DMD: variants seen among roughly 807,000 people sequenced by gnomAD.
DMD encodes the protein mutant dystrophin.
DMD carries 63 observed loss-of-function variants against 330.1 expected under a neutral mutation model. The observed-to-expected ratio is 0.19, with a 90% CI of 0.16 to 0.24. The LOEUF is 0.24. Among genes scored for constraint, DMD ranks in the 10% least tolerant of loss-of-function variants. DMD has a pLI of 1.00. For missense variants in DMD, 3,344 were observed against 2,684.1 expected (o/e 1.25, Z -5.43); for synonymous variants, 1,223 against 959.8 (o/e 1.27, Z -5.07).
At chrX:33,115,597 C>T (rs1336764860) in intron 1 of DMD, among the ~76,000 whole-genome samples, 1 of 108,128 alleles carries the variant, frequency 9.2e-6, no homozygotes, top group Non-Finnish European at 1.9e-5. Flanking sequence ...CTGCAAGCTC[C>T]GCCTCCTGGG....
At position 31,868,635 on chromosome X, in the gene DMD, G is replaced by A. The variant is rs751439869; in HGVS notation, c.7098+6553C>T. On this transcript the variant is annotated intron_variant, in intron 48 of 78. Coordinates refer to ENST00000357033, the MANE Select transcript of DMD (RefSeq NM_004006.3). ...AAGCCCCTTTTGGGAAAACTGTCCC[G>A]GTACCTGGCTTACAGAATTCCCAAT... Among the ~76,000 whole-genome samples the A allele has an allele frequency of 9.9e-5, 11 of 111,513 alleles. No homozygotes were observed. In the Middle Eastern group the frequency reaches 0.014, roughly 141 times the overall value.
chrX:32,712,875 T>C (rs2065321404), intron 7 of DMD, among the ~76,000 whole-genome samples: 1 of 111,630 alleles, frequency 9.0e-6, no homozygotes, highest in Non-Finnish European at 1.9e-5. Flanking sequence ...TTCTTCTACA[T>C]TGTAATAAAG....
At chrX:32,091,836 A>G (rs1357778583) in intron 44 of DMD, among the ~76,000 whole-genome samples, 1 of 111,665 alleles carries the variant, frequency 9.0e-6, no homozygotes, top group Non-Finnish European at 1.9e-5. Context: ...GCTAGTAGTG[A>G]ACATACTGAT....
intron 44 of DMD, among the ~76,000 whole-genome samples, chrX:32,044,528 T>G (rs1481445406): frequency 9.0e-6 from 1 of 110,631 alleles, no homozygotes; most frequent in Non-Finnish European, 1.9e-5. Context: ...TTCACGCCAT[T>G]CTCCTGCCTC....
intron 2 of DMD, among the ~76,000 whole-genome samples, chrX:32,880,525 G>A (rs1569538457): frequency 9.0e-6 from 1 of 111,722 alleles, no homozygotes; most frequent in Non-Finnish European, 1.9e-5. Flanking sequence ...CCCCGTGGTA[G>A]GACATACTAT....
intron 2 of DMD, among the ~76,000 whole-genome samples, chrX:32,906,793 G>C (rs1014938885): frequency 2.7e-5 from 3 of 111,511 alleles, no homozygotes. Flanking sequence ...CAGTACTCCA[G>C]GAAGGAGCTG....
intron 2 of DMD, among the ~76,000 whole-genome samples, chrX:32,995,776 G>T (rs2093102725): frequency 9.0e-6 from 1 of 111,614 alleles, no homozygotes; most frequent in African/African-American, 3.3e-5. Flanking sequence ...TCTTGAAAGA[G>T]CATTTTAGTA....
At chrX:32,617,406 T>A (rs1269838344) in intron 11 of DMD, among the ~76,000 whole-genome samples, 2 of 111,228 alleles carry the variant, frequency 1.8e-5, no homozygotes, top group East Asian at 5.7e-4. Flanking sequence ...AGGAATAAAT[T>A]AATGCATTTG....
At chrX:32,242,625 C>T (rs1409685001) in intron 43 of DMD, among the ~76,000 whole-genome samples, 1 of 111,104 alleles carries the variant, frequency 9.0e-6, no homozygotes. Flanking sequence ...ACTTTTGCTA[C>T]TTTTCCAAAT....
In DMD at chrX:31,690,260, A is replaced by T. The variant is rs181932401; in HGVS notation, c.7661-10674T>A. Among the ~76,000 whole-genome samples, 330 of 112,382 alleles carry T rather than the reference A, an allele frequency of 2.9e-3. 2 individuals carry two copies. The highest frequency in any genetic ancestry group is 3.7e-3 in the Non-Finnish European group (197 of 53,289). On this transcript the variant is annotated intron_variant, in intron 52 of 78. Coordinates refer to ENST00000357033, the MANE Select transcript of DMD (RefSeq NM_004006.3). ...ATATCCAGAATCTACAAAGAACTCA[A>T]ACAAACTTACAAGAAAAAACAAACA...
chrX:31,963,591 A>G (rs1377718001), intron 45 of DMD, among the ~76,000 whole-genome samples: 1 of 111,084 alleles, frequency 9.0e-6, no homozygotes, highest in East Asian at 2.8e-4. Context: ...GTTTCTACGT[A>G]CTATTCACCT....
chrX:32,953,827 T>C (rs776220090), intron 2 of DMD, among the ~76,000 whole-genome samples: 5 of 112,315 alleles, frequency 4.5e-5, no homozygotes, highest in African/African-American at 1.3e-4. Flanking sequence ...GAGGTTACAA[T>C]GAATGTAATA....
In DMD at chrX:32,093,949, A is replaced by C. The variant is rs2096490979; in HGVS notation, c.6438+122967T>G. Among the ~76,000 whole-genome samples the C allele has an allele frequency of 6.3e-5, 7 of 111,293 alleles. No individual in the cohort carries two copies. In the South Asian group the frequency reaches 2.7e-3, roughly 42 times the overall value. On this transcript the variant is annotated intron_variant, in intron 44 of 78. Transcript: ENST00000357033. ...AAAAAAGCTTATCTAAATTTACTGG[A>C]GATATCAATGAGGTTACGGAGAATT... is the stretch of plus-strand genomic sequence containing the variant.
At chrX:33,199,423 T>A (rs1169641550) in intron 1 of DMD, among the ~76,000 whole-genome samples, 3 of 111,201 alleles carry the variant, frequency 2.7e-5, no homozygotes, top group East Asian at 5.7e-4. Flanking sequence ...ACTGGGTGAA[T>A]GGTTGCACCA....
chrX:32,743,494 C>A (rs779208444), intron 7 of DMD, among the ~76,000 whole-genome samples: 1 of 110,610 alleles, frequency 9.0e-6, no homozygotes, highest in Non-Finnish European at 1.9e-5. Flanking sequence ...GATATCTGAG[C>A]CAAAATCAAA....
chrX:31,277,122 G>C (rs114478399), intron 62 of DMD, among the ~76,000 whole-genome samples: 1,654 of 110,628 alleles, frequency 0.015, 34 homozygotes, highest in African/African-American at 0.05. Flanking sequence ...ATACACTGTG[G>C]AATGGCTAAA....
At chrX:32,665,113 TTAA>T (rs760054703) in intron 9 of DMD, among the ~76,000 whole-genome samples, 14 of 112,295 alleles carry the variant, frequency 1.2e-4, no homozygotes, top group Non-Finnish European at 2.1e-4. Context: ...CTGTAAAAAC[TTAA>T]TAAATGTTTG....
At chrX:32,588,585 G>A (rs1015885810) in intron 13 of DMD, among the ~76,000 whole-genome samples, 3 of 111,626 alleles carry the variant, frequency 2.7e-5, no homozygotes, top group African/African-American at 9.8e-5. Flanking sequence ...AATCTGGAAA[G>A]TGACTCAGGA....
intron 9 of DMD, 52 bp from the exon 10 acceptor site, chrX:32,645,204 T>C (rs756437314): frequency 2.7e-6 from 3 of 1,131,537 alleles, no homozygotes; most frequent in East Asian, 6.0e-5. Flanking sequence ...TTGCAGATTG[T>C]TCCAGTACAT....
Sources: allele counts gnomAD v4.1 joint callset (sites outside exome capture counted in the v4.1 genomes callset), GRCh38; gene constraint gnomAD v4.1.1; transcripts MANE v1.5; gene names NCBI Gene and HGNC (gene_info 2026-07-23, HGNC 2026-07-21).